SPICE1: variants seen among roughly 807,000 people sequenced by gnomAD.
The protein encoded by SPICE1 is spindle and centriole associated protein 1.
SPICE1 carries 75 observed loss-of-function variants against 102.7 expected under a neutral mutation model. The observed-to-expected ratio is 0.73, with a 90% CI of 0.61 to 0.88. The LOEUF is 0.88. Ranked by LOEUF, SPICE1 falls within the 40% of genes least tolerant of loss-of-function variation. The pLI, the probability that SPICE1 is intolerant of heterozygous loss-of-function variation, is 0.00. For missense variants in SPICE1, 979 were observed against 1,020.1 expected (o/e 0.96, Z 0.55); for synonymous variants, 308 against 350.3 (o/e 0.88, Z 1.35).
chr3:113,503,948 A>T (rs1185263705), intron 2 of SPICE1, among the ~76,000 whole-genome samples: 1 of 151,772 alleles, frequency 6.6e-6, no homozygotes, highest in East Asian at 1.9e-4. Context: ...AAAAAAAAAA[A>T]AAAAAGAAAG....
At chr3:113,485,904 C>G (rs1030256609) in intron 7 of SPICE1, among the ~76,000 whole-genome samples, 8 of 152,052 alleles carry the variant, frequency 5.3e-5, no homozygotes, top group African/African-American at 1.9e-4. Flanking sequence ...AAACAAAACA[C>G]CACATGTCCC....
At chr3:113,490,838 G>A (rs72946746) in intron 6 of SPICE1, among the ~76,000 whole-genome samples, 1,881 of 152,154 alleles carry the variant, frequency 0.012, 29 homozygotes, top group African/African-American at 0.042. Flanking sequence ...ATCGGCCACC[G>A]AATCCTGCCA....
intron 13 of SPICE1, among the ~76,000 whole-genome samples, chr3:113,456,547 A>C (rs1278052558): frequency 6.6e-6 from 1 of 152,230 alleles, no homozygotes; most frequent in Non-Finnish European, 1.5e-5. Flanking sequence ...ATGAACCCTA[A>C]GTTAAGAATC....
At chr3:113,459,456 C>CAAAAAAA in intron 12 of SPICE1, 1 of 954,746 alleles carries the variant, frequency 1.0e-6, no homozygotes, top group Non-Finnish European at 1.2e-6. Flanking sequence ...CAAAACAAAA[C>CAAAAAAA]AAAAAAAAAC....
intron 7 of SPICE1, among the ~76,000 whole-genome samples, chr3:113,485,689 A>T (rs568255996): frequency 6.6e-6 from 1 of 152,350 alleles, no homozygotes; most frequent in South Asian, 2.1e-4. Flanking sequence ...ACGGCTCTGA[A>T]GAAAGCAGCG....
At chr3:113,504,014 C>T (rs934899847) in intron 2 of SPICE1, among the ~76,000 whole-genome samples, 2 of 150,594 alleles carry the variant, frequency 1.3e-5, no homozygotes, top group African/African-American at 4.9e-5. Context: ...AGCATAGATG[C>T]TACTACAATG....
chr3:113,448,172 A>T, intron 15 of SPICE1, 32 bp from the exon 16 acceptor site: 1 of 1,518,872 alleles, frequency 6.6e-7, no homozygotes, highest in Non-Finnish European at 8.9e-7. Context: ...TAGTTCCATT[A>T]CCTTTCAATG....
chr3:113,453,958 T>G lies in SPICE1; in HGVS notation c.1658-8A>C. 1 of 1,575,288 alleles carries G rather than the reference T, an allele frequency of 6.3e-7. No individual in the cohort carries two copies. Among genetic ancestry groups the G allele is most frequent in the Non-Finnish European group, 8.6e-7 (1 of 1,162,756 alleles). ...GAACAGTCCTTCTCAATACTATAGA[T>G]AAGAATTTAAAAATAACAAATATGT... On this transcript the variant is annotated splice_polypyrimidine_tract_variant and splice_region_variant and intron_variant, in intron 13 of 17. Coordinates refer to ENST00000295872, the MANE Select transcript of SPICE1 (RefSeq NM_144718.4).
intron 14 of SPICE1, among the ~76,000 whole-genome samples, chr3:113,452,140 C>T (rs1935667266): frequency 6.6e-6 from 1 of 152,156 alleles, no homozygotes; most frequent in Admixed American, 6.5e-5. Context: ...CCCCCAGAAA[C>T]AACGAAATGA....
At chr3:113,496,961 GT>G (rs1936903964) in intron 4 of SPICE1, among the ~76,000 whole-genome samples, 1 of 152,178 alleles carries the variant, frequency 6.6e-6, no homozygotes, top group South Asian at 2.1e-4. Context: ...CAATCTGTGG[GT>G]AACTGACAGT....
chr3:113,513,453 C>A (rs532043952), intron 1 of SPICE1, among the ~76,000 whole-genome samples: 22 of 151,954 alleles, frequency 1.4e-4, no homozygotes, highest in African/African-American at 5.3e-4. Context: ...ACCAAATGCT[C>A]ATTTCTAACT....
At chr3:113,474,857 C>G (rs1221615976) in intron 7 of SPICE1, among the ~76,000 whole-genome samples, 2 of 151,666 alleles carry the variant, frequency 1.3e-5, no homozygotes, top group South Asian at 4.2e-4. Context: ...AAATTGACAC[C>G]CTAACATCAC....
chr3:113,501,823 C>T lies in SPICE1; in HGVS notation c.147+1357G>A, dbSNP rs145549673. The stretch of plus-strand genomic sequence containing the variant: ...GGCGGGGATGTAAATGGTGCAGCCA[C>T]TTCATAGAACAGTTTGACAATTATT... On this transcript the variant is annotated intron_variant, in intron 3 of 17. Transcript: ENST00000295872. Among the ~76,000 whole-genome samples, 671 of 152,282 alleles carry T rather than the reference C, an allele frequency of 4.4e-3. 3 individuals carry two copies. Among genetic ancestry groups the T allele is most frequent in the African/African-American group, 0.015 (636 of 41,548 alleles).
At chr3:113,460,230 T>C (rs1023149798) in intron 12 of SPICE1, 102 of 985,146 alleles carry the variant, frequency 1.0e-4, no homozygotes, top group Non-Finnish European at 1.2e-4. Flanking sequence ...CTTCTAAATC[T>C]AGAGCACTGG....
intron 11 of SPICE1, among the ~76,000 whole-genome samples, chr3:113,464,997 T>G (rs1936018993): frequency 6.6e-6 from 1 of 151,942 alleles, no homozygotes. Flanking sequence ...TCCCAGCGAC[T>G]TGGGAGGCTA....
chr3:113,507,649 G>C (rs1319492539), intron 1 of SPICE1, among the ~76,000 whole-genome samples: 1 of 152,060 alleles, frequency 6.6e-6, no homozygotes, highest in Non-Finnish European at 1.5e-5. Context: ...TTCAGCCAAA[G>C]AAAACAAGTC....
chr3:113,471,184 C>T lies in SPICE1; in HGVS notation c.612-1946G>A, dbSNP rs1936187432. Among the ~76,000 whole-genome samples the T allele has an allele frequency of 2.0e-5, 3 of 152,114 alleles. No homozygotes were observed. In the South Asian group the frequency reaches 6.2e-4, roughly 31 times the overall value. ...TATTCCATGTCCTAAACCCTGGAGC[C>T]TGTCACTATTACCTTATATGGCAAA... On this transcript the variant is annotated intron_variant, in intron 7 of 17. Transcript: ENST00000295872.
intron 6 of SPICE1, 58 bp from the exon 7 acceptor site, chr3:113,489,121 C>CTTT: frequency 1.5e-5 from 13 of 879,814 alleles, no homozygotes; most frequent in South Asian, 6.9e-5. Flanking sequence ...CTCAGACTTT[C>CTTT]TTTTTTTTTT....
rs370802462 is a variant in SPICE1 at position 113,469,164 on chromosome 3, G to A, written c.686C>T (p.Ala229Val). 191 of 1,613,110 alleles carry A rather than the reference G, an allele frequency of 1.2e-4. 1 individual carries two copies. Among genetic ancestry groups the A allele is most frequent in the South Asian group, 8.1e-4 (74 of 90,964 alleles). The change falls in exon 8 of 18, where the codon GCA becomes GTA. Residue 229 changes from alanine (A) to valine (V), a missense_variant. Coordinates refer to ENST00000295872, the MANE Select transcript of SPICE1 (RefSeq NM_144718.4). Reference protein sequence around the residue: ...KLWTDIQQKIATQSQITPPGT... With the variant: ...KLWTDIQQKIVTQSQITPPGT... ...TGGAGGAGTTATTTGTGACTGGGTT[G>A]CTATTTTCTGCTGAATGTCAGTCCA... is the stretch of plus-strand genomic sequence containing the variant.
Sources: allele counts gnomAD v4.1 joint callset (sites outside exome capture counted in the v4.1 genomes callset), GRCh38; gene constraint gnomAD v4.1.1; transcripts MANE v1.5; gene names NCBI Gene and HGNC (gene_info 2026-07-23, HGNC 2026-07-21).